COLGALT2: variants seen among roughly 807,000 people sequenced by gnomAD.
The protein encoded by COLGALT2 is collagen beta(1-O)galactosyltransferase 2, also known as procollagen galactosyltransferase 2.
COLGALT2 carries 49 observed loss-of-function variants against 73.4 expected under a neutral mutation model. That is an observed-to-expected ratio of 0.67 (90% confidence interval 0.53 to 0.85). The LOEUF is 0.85. Ranked by LOEUF, COLGALT2 falls within the 40% of genes least tolerant of loss-of-function variation. The pLI, the probability that COLGALT2 is intolerant of heterozygous loss-of-function variation, is 0.00. For synonymous variants in COLGALT2, 295 were observed against 307.6 expected, an observed-to-expected ratio of 0.96 and a Z score of 0.43; for missense variants, 722 against 790.2, an observed-to-expected ratio of 0.91 and a Z score of 1.03.
intron 8 of COLGALT2, among the ~76,000 whole-genome samples, chr1:183,950,797 A>G (rs1670375759): frequency 6.6e-6 from 1 of 152,198 alleles, no homozygotes; most frequent in Admixed American, 6.5e-5. Context: ...AGTGTAATGA[A>G]GACCAAAGAC....
At chr1:184,010,546 T>C (rs913262751) in intron 1 of COLGALT2, among the ~76,000 whole-genome samples, 3 of 152,232 alleles carry the variant, frequency 2.0e-5, no homozygotes, top group African/African-American at 7.2e-5. Flanking sequence ...ATATGTTTTC[T>C]AGAAATGATG....
chr1:184,035,049 C>T (rs1439677828), intron 1 of COLGALT2, among the ~76,000 whole-genome samples: 1 of 152,176 alleles, frequency 6.6e-6, no homozygotes, highest in Non-Finnish European at 1.5e-5. Context: ...GCAAGCATGG[C>T]CTTGCACTTC....
At chr1:183,993,850 C>G (rs147244214) in intron 1 of COLGALT2, among the ~76,000 whole-genome samples, 2 of 152,014 alleles carry the variant, frequency 1.3e-5, no homozygotes, top group African/African-American at 4.8e-5. Flanking sequence ...TTAGGCATTA[C>G]CAGAGCTAGA....
intron 7 of COLGALT2, among the ~76,000 whole-genome samples, chr1:183,951,785 A>C (rs1670408880): frequency 6.6e-6 from 1 of 152,360 alleles, no homozygotes; most frequent in East Asian, 1.9e-4. Context: ...TGTGATAAAC[A>C]GATTCAGTGC....
At chr1:183,964,099 CT>C in intron 5 of COLGALT2, 79 bp from the exon 6 acceptor site, 1 of 1,518,156 alleles carries the variant, frequency 6.6e-7, no homozygotes, top group Non-Finnish European at 9.0e-7. Flanking sequence ...GGAACCTGAA[CT>C]GTGTCTGATG....
chr1:183,977,087 A>C (rs1671215940), intron 2 of COLGALT2, among the ~76,000 whole-genome samples: 1 of 152,240 alleles, frequency 6.6e-6, no homozygotes, highest in African/African-American at 2.4e-5. Flanking sequence ...AGTATTTTTA[A>C]TAAAGAAATG....
intron 1 of COLGALT2, among the ~76,000 whole-genome samples, chr1:183,998,562 T>A (rs1293313712): frequency 6.6e-6 from 1 of 152,182 alleles, no homozygotes; most frequent in Non-Finnish European, 1.5e-5. Context: ...GTATTCTTGG[T>A]CCTTTGTTCT....
intron 1 of COLGALT2, among the ~76,000 whole-genome samples, chr1:184,001,123 A>G (rs1039557489): frequency 5.9e-5 from 9 of 152,102 alleles, no homozygotes; most frequent in South Asian, 2.1e-4. Flanking sequence ...GTGAGCCACC[A>G]CGCCAGGCCT....
At chr1:183,973,571 C>G in intron 4 of COLGALT2, 45 bp downstream of exon 4, 1 of 1,611,548 alleles carries the variant, frequency 6.2e-7, no homozygotes, top group Non-Finnish European at 8.5e-7. Context: ...CGGGTGTTGC[C>G]TTGTTAAAAC....
At chr1:184,015,650 G>A (rs955024241) in intron 1 of COLGALT2, among the ~76,000 whole-genome samples, 2 of 152,290 alleles carry the variant, frequency 1.3e-5, no homozygotes, top group African/African-American at 4.8e-5. Flanking sequence ...GAGATCCCAC[G>A]CAACAGATCC....
At chr1:183,952,320 C>A (rs969304081) in intron 7 of COLGALT2, among the ~76,000 whole-genome samples, 1 of 152,190 alleles carries the variant, frequency 6.6e-6, no homozygotes, top group Non-Finnish European at 1.5e-5. Flanking sequence ...GTGTTGACTT[C>A]ATCCTGACTA....
exon 12 of COLGALT2, chr1:183,929,861 A>G (rs1669802213): frequency 6.1e-6 from 1 of 163,252 alleles, no homozygotes; most frequent in Admixed American, 5.9e-5. Context: ...AAATTTCAAC[A>G]GCTTAAGACC....
intron 11 of COLGALT2, among the ~76,000 whole-genome samples, chr1:183,939,297 C>T (rs1336024295): frequency 6.6e-6 from 1 of 152,144 alleles, no homozygotes; most frequent in African/African-American, 2.4e-5. Flanking sequence ...AGGTCTGACT[C>T]CAAAAGTTAA....
intron 10 of COLGALT2, among the ~76,000 whole-genome samples, chr1:183,942,497 A>G (rs924150617): frequency 6.6e-6 from 1 of 152,210 alleles, no homozygotes; most frequent in South Asian, 2.1e-4. Context: ...GAAAACTGAA[A>G]ATGACATATG....
chr1:184,036,448 G>A (rs921965954), intron 1 of COLGALT2, among the ~76,000 whole-genome samples: 1 of 152,226 alleles, frequency 6.6e-6, no homozygotes, highest in Non-Finnish European at 1.5e-5. Flanking sequence ...GGGACAGCCC[G>A]GAGCGCTCGC....
rs1272576146 is a variant in COLGALT2 at position 183,938,035 on chromosome 1, T to A, written c.*726A>T. The A allele has an allele frequency of 2.0e-6, 2 of 984,922 alleles. No individual in the cohort carries two copies. Among genetic ancestry groups the A allele is most frequent in the Non-Finnish European group, 2.4e-6 (2 of 829,844 alleles). The allele number at this position is 984,922 out of a possible 1,614,324, so 61.0% of individuals were successfully genotyped here. On this transcript the variant is annotated 3_prime_UTR_variant, in exon 12 of 12. Coordinates refer to ENST00000361927, the MANE Select transcript of COLGALT2 (RefSeq NM_015101.4). ...CATAATAAAAAAGCCAAACATTGAGTTTTTTCCCTCAAATACCTACACAAA... is the reference window on the plus strand; with the variant it reads ...CATAATAAAAAAGCCAAACATTGAGATTTTTCCCTCAAATACCTACACAAA...
At chr1:184,012,330 A>G (rs182206174) in intron 1 of COLGALT2, among the ~76,000 whole-genome samples, 2 of 152,366 alleles carry the variant, frequency 1.3e-5, no homozygotes, top group East Asian at 3.9e-4. Context: ...ATAGTCACCA[A>G]ATCTAAAGCC....
At chr1:183,988,886 A>G (rs1164865723) in intron 1 of COLGALT2, among the ~76,000 whole-genome samples, 3 of 152,116 alleles carry the variant, frequency 2.0e-5, no homozygotes, top group South Asian at 4.1e-4. Context: ...AAAAGAATAA[A>G]ATTTATTTTA....
At chr1:184,034,668 A>G (rs1314423690) in intron 1 of COLGALT2, among the ~76,000 whole-genome samples, 1 of 152,222 alleles carries the variant, frequency 6.6e-6, no homozygotes, top group East Asian at 1.9e-4. Context: ...GTGGTATAAT[A>G]ACAGTGCATA....
Sources: gnomAD v4.1 joint callset for allele counts (sites outside exome capture counted in the v4.1 genomes callset) on GRCh38, gnomAD v4.1.1 for gene constraint, MANE v1.5 for transcripts, NCBI Gene and HGNC (gene_info 2026-07-23, HGNC 2026-07-21) for gene names.